Variants in TBC1D22A observed in about 807,000 individuals in gnomAD.
TBC1D22A encodes putative GTPase activator.
Under a neutral mutation model 60.2 loss-of-function variants are expected in TBC1D22A, and 38 were observed. The observed-to-expected ratio is 0.63, with a 90% CI of 0.49 to 0.83. The LOEUF is 0.83. Ranked by LOEUF, TBC1D22A falls within the 40% of genes least tolerant of loss-of-function variation. TBC1D22A has a pLI of 0.00. For missense variants in TBC1D22A, 628 were observed against 701.0 expected, an observed-to-expected ratio of 0.90 and a Z score of 1.18; for synonymous variants, 302 against 281.7, an observed-to-expected ratio of 1.07 and a Z score of -0.72.
chr22:47,151,295 C>T (rs980424019), intron 12 of TBC1D22A, among the ~76,000 whole-genome samples: 3 of 152,196 alleles, frequency 2.0e-5, no homozygotes, highest in Admixed American at 6.5e-5. Flanking sequence ...GGCAGGCCAG[C>T]GGCTTCCCGG....
intron 4 of TBC1D22A, among the ~76,000 whole-genome samples, chr22:46,878,290 G>T (rs1251586327): frequency 7.5e-3 from 2 of 266 alleles, no homozygotes; most frequent in East Asian, 0.17. Flanking sequence ...AGGAGAGAGT[G>T]GGGGGAAGGA....
At chr22:46,815,835 G>A (rs187728423) in intron 4 of TBC1D22A, among the ~76,000 whole-genome samples, 302 of 152,248 alleles carry the variant, frequency 2.0e-3, no homozygotes, top group Middle Eastern at 6.8e-3. Flanking sequence ...TGTTTGGCTG[G>A]TGGGAGGATG....
chr22:47,049,898 C>T (rs1484759111), intron 11 of TBC1D22A, among the ~76,000 whole-genome samples: 2 of 152,236 alleles, frequency 1.3e-5, no homozygotes, highest in African/African-American at 4.8e-5. Context: ...AGGAAAGGGG[C>T]TGCAGGGTGA....
At chr22:47,163,905 A>G (rs34154253) in intron 12 of TBC1D22A, among the ~76,000 whole-genome samples, 5,546 of 152,332 alleles carry the variant, frequency 0.036, 141 homozygotes, top group Non-Finnish European at 0.059. Flanking sequence ...AACTGCACAT[A>G]TCAGCACCAA....
intron 8 of TBC1D22A, among the ~76,000 whole-genome samples, chr22:46,946,673 T>G (rs998138615): frequency 6.6e-6 from 1 of 152,094 alleles, no homozygotes; most frequent in African/African-American, 2.4e-5. Context: ...TCCCAGGCAG[T>G]TTTCATTTTG....
At chr22:46,903,104 T>TG (rs2069127116) in intron 7 of TBC1D22A, among the ~76,000 whole-genome samples, 1 of 152,168 alleles carries the variant, frequency 6.6e-6, no homozygotes, top group Non-Finnish European at 1.5e-5. Context: ...CTCTCCCTGG[T>TG]GCACCTGGAG....
intron 6 of TBC1D22A, among the ~76,000 whole-genome samples, chr22:46,893,314 T>C (rs1167273115): frequency 1.3e-5 from 2 of 152,202 alleles, no homozygotes; most frequent in Non-Finnish European, 2.9e-5. Context: ...GGCCTTTTTC[T>C]GATTTGCCCA....
intron 7 of TBC1D22A, among the ~76,000 whole-genome samples, chr22:46,906,250 A>G (rs376346266): frequency 1.3e-5 from 2 of 152,166 alleles, no homozygotes; most frequent in African/African-American, 2.4e-5. Context: ...ATTAATAGCT[A>G]TCGTTGGAGG....
chr22:46,912,197 T>C lies in TBC1D22A; in HGVS notation c.1015+9T>C. 6.3e-7 allele frequency: 1 copy of C among 1,599,414 alleles called. No homozygotes were observed. Among genetic ancestry groups the C allele is most frequent in the Non-Finnish European group, 8.6e-7 (1 of 1,167,578 alleles). On this transcript the variant is annotated intron_variant, in intron 8 of 12. Coordinates refer to ENST00000337137, the MANE Select transcript of TBC1D22A (RefSeq NM_014346.5). The stretch of plus-strand genomic sequence containing the variant: ...CATTTGTGAATACATAGGTAAGATT[T>C]CTTGCAAACATTAAACGTGAACTTT...
chr22:47,100,328 T>A (rs2065365159), intron 11 of TBC1D22A, among the ~76,000 whole-genome samples: 1 of 151,096 alleles, frequency 6.6e-6, no homozygotes, highest in Non-Finnish European at 1.5e-5. Context: ...AATGAGGCCT[T>A]TGGGCACAGG....
At chr22:46,904,105 A>ATCTGTCTGTCTGTCTG (rs1347635679) in intron 7 of TBC1D22A, among the ~76,000 whole-genome samples, 2 of 53,252 alleles carry the variant, frequency 3.8e-5, no homozygotes, top group Admixed American at 2.1e-4. Context: ...AAATCTATCT[A>ATCTGTCTGTCTGTCTG]TCTATCTATC....
intron 8 of TBC1D22A, among the ~76,000 whole-genome samples, 154 bp from the exon 9 acceptor site, chr22:46,974,136 G>C (rs1250099683): frequency 6.6e-6 from 1 of 152,238 alleles, no homozygotes; most frequent in Non-Finnish European, 1.5e-5. Flanking sequence ...TAAGTGATGA[G>C]GTGGAAGGCT....
chr22:46,798,775 A>G lies in TBC1D22A; in HGVS notation c.637+1155A>G, dbSNP rs547744737. ...CAGAGGTGCAACGCCTGGCTTGGCC[A>G]GGAGGTGGCGAGTGGCGCACGCGGA... On this transcript the variant is annotated intron_variant, in intron 4 of 12. Coordinates refer to ENST00000337137, the MANE Select transcript of TBC1D22A (RefSeq NM_014346.5). Among the ~76,000 whole-genome samples the G allele has an allele frequency of 6.6e-5, 10 of 152,352 alleles. No homozygotes were observed. The East Asian group carries it at 1.9e-3, about 29-fold the overall frequency.
intron 12 of TBC1D22A, among the ~76,000 whole-genome samples, chr22:47,134,823 G>C (rs2066803328): frequency 6.6e-6 from 1 of 152,220 alleles, no homozygotes; most frequent in South Asian, 2.1e-4. Flanking sequence ...AATTGAGATG[G>C]GGGGTTCAGC....
chr22:47,165,311 C>T (rs2068160070), intron 12 of TBC1D22A, among the ~76,000 whole-genome samples: 3 of 152,168 alleles, frequency 2.0e-5, no homozygotes, highest in Admixed American at 2.0e-4. Context: ...TGCCACCTCC[C>T]AGGAGGTGCC....
At chr22:47,017,041 T>C (rs2061931914) in intron 10 of TBC1D22A, among the ~76,000 whole-genome samples, 1 of 152,252 alleles carries the variant, frequency 6.6e-6, no homozygotes, top group African/African-American at 2.4e-5. Flanking sequence ...ATTTGTTAGT[T>C]GGTTTTCTGG....
intron 11 of TBC1D22A, among the ~76,000 whole-genome samples, chr22:47,052,662 A>G (rs569641523): frequency 1.3e-5 from 2 of 152,280 alleles, no homozygotes; most frequent in Admixed American, 1.3e-4. Context: ...TCTGAGGGGC[A>G]GCGGCTGGAG....
rs551245036 is a variant in TBC1D22A at position 47,132,426 on chromosome 22, C to G, written c.1425+20823C>G. ...ATCCCTTCATGCTTCTGCCTGTAGC[C>G]CTTCAGCAGCCAGCTCTGCCGTGGG... On this transcript the variant is annotated intron_variant, in intron 12 of 12. Transcript: ENST00000337137. Among the ~76,000 whole-genome samples the G allele has an allele frequency of 7.2e-5, 11 of 152,374 alleles. No homozygotes were observed. In the South Asian group the frequency reaches 2.3e-3, roughly 32 times the overall value.
rs35714390 is a variant in TBC1D22A at position 46,989,759 on chromosome 22, T to TCACACACACACACACA, written c.1126-7862_1126-7847dup. On this transcript the variant is annotated intron_variant, in intron 9 of 12. Coordinates refer to ENST00000337137, the MANE Select transcript of TBC1D22A (RefSeq NM_014346.5). The stretch of plus-strand genomic sequence containing the variant: ...AGAGAATTGCCAAAATGTGACAGAG[T>TCACACACACACACACA]CACACACACACACACACACACACAC... 6.2e-3 allele frequency among the ~76,000 whole-genome samples: 903 copies of TCACACACACACACACA among 146,136 alleles called. 5 individuals are homozygous for TCACACACACACACACA. Among genetic ancestry groups the TCACACACACACACACA allele is most frequent in the African/African-American group, 0.018 (723 of 39,510 alleles).
Sources: allele counts gnomAD v4.1 joint callset (sites outside exome capture counted in the v4.1 genomes callset), GRCh38; gene constraint gnomAD v4.1.1; transcripts MANE v1.5; gene names NCBI Gene and HGNC (gene_info 2026-07-23, HGNC 2026-07-21).